The following LRP4 variants were observed in gnomAD, a reference collection of about 807,000 sequenced individuals.
The protein encoded by LRP4 is LDL receptor related protein 4.
LRP4 carries 95 observed loss-of-function variants against 220.3 expected under a neutral mutation model. The ratio of observed to expected loss-of-function variants is 0.43; its 90% CI spans 0.37 to 0.51. The LOEUF (loss-of-function observed/expected upper bound fraction) is 0.51, where lower values mean the gene tolerates loss of function less well. LRP4 is among the 20% of genes least tolerant of loss of function. The pLI is 0.00. For missense variants in LRP4, 1,925 were observed against 2,567.0 expected, an observed-to-expected ratio of 0.75 and a Z score of 5.40; for synonymous variants, 903 against 954.6, an observed-to-expected ratio of 0.95 and a Z score of 1.00.
intron 7 of LRP4, among the ~76,000 whole-genome samples, chr11:46,897,580 C>G (rs1052925317): frequency 2.5e-4 from 38 of 149,294 alleles, no homozygotes; most frequent in South Asian, 1.7e-3. Flanking sequence ...TGACTCTTAA[C>G]GAGCATGCGG....
intron 37 of LRP4, among the ~76,000 whole-genome samples, chr11:46,861,510 T>C (rs1394315277): frequency 7.2e-6 from 1 of 139,170 alleles, no homozygotes; most frequent in Non-Finnish European, 1.5e-5. Context: ...TTAGTTTCCT[T>C]GTGGAAATGG....
Position 46,873,472 on chromosome 11 carries a change from T to C in LRP4, c.4351A>G (p.Thr1451Ala). The change falls in exon 29 of 38, where the codon ACC becomes GCC. Residue 1451 changes from threonine to alanine, a missense_variant. Around this residue, in one of 3 missense-constraint regions of LRP4, gnomAD observed 1,244 missense variants for 1,624.9 expected, o/e 0.77. Coordinates refer to ENST00000378623, the MANE Select transcript of LRP4 (RefSeq NM_002334.4). This position sits in a 1 kb window ranked among gnomAD's most constrained non-coding sequence, Gnocchi z 4.2. ...CCATCCAGCCTGGACGCCTCAATGGTATTTCGACCTGTGTCTGTCCAGTAC... is the reference window on the plus strand; with the variant it reads ...CCATCCAGCCTGGACGCCTCAATGGCATTTCGACCTGTGTCTGTCCAGTAC... ...NLYWTDTGRN[T>A]IEASRLDGSC... is the part of the protein sequence containing the mutation. 1.9e-6 allele frequency: 3 copies of C among 1,614,154 alleles called. No homozygotes were observed. Among genetic ancestry groups the C allele is most frequent in the Non-Finnish European group, 2.5e-6 (3 of 1,180,028 alleles).
chr11:46,883,621 G>A (rs1449017975), intron 19 of LRP4, among the ~76,000 whole-genome samples: 2 of 152,216 alleles, frequency 1.3e-5, no homozygotes, highest in Non-Finnish European at 2.9e-5. Flanking sequence ...TGAAGGCTGT[G>A]AGACCCCTGA....
At chr11:46,874,184 A>AAACT (rs1940948315) in intron 28 of LRP4, 1 of 164,634 alleles carries the variant, frequency 6.1e-6, no homozygotes, top group African/African-American at 2.4e-5. Context: ...ACTGTCACCT[A>AAACT]GGGGACTTCC....
Position 46,890,168 on chromosome 11 carries a change from C to T in LRP4, c.1916-48G>A. Reference sequence around the variant, plus strand: ...TCAGTCTGGACGTGGTCTGCCATGTCCCCTGGGCCCAGGCCTGGCAACTAC... The same window carrying T: ...TCAGTCTGGACGTGGTCTGCCATGTTCCCTGGGCCCAGGCCTGGCAACTAC... On this transcript the variant is annotated intron_variant, in intron 14 of 37. Transcript: ENST00000378623. This position sits in a 1 kb window ranked among gnomAD's most constrained non-coding sequence, Gnocchi z 5.3. The T allele has an allele frequency of 1.2e-6, 2 of 1,609,198 alleles. No homozygotes were observed. Among genetic ancestry groups the T allele is most frequent in the East Asian group, 2.2e-5 (1 of 44,852 alleles).
intron 15 of LRP4, 32 bp from the exon 16 acceptor site, chr11:46,889,565 C>T (rs1036286109): frequency 6.8e-6 from 11 of 1,611,146 alleles, no homozygotes; most frequent in Non-Finnish European, 7.6e-6. Flanking sequence ...AGAGGATCAG[C>T]GAAGGTCTGC....
At chr11:46,871,822 A>C (rs1940873834) in intron 30 of LRP4, among the ~76,000 whole-genome samples, 189 bp from the exon 31 acceptor site, 1 of 152,056 alleles carries the variant, frequency 6.6e-6, no homozygotes, top group Non-Finnish European at 1.5e-5. Flanking sequence ...ATGAGTGGGG[A>C]GGTCAGGGCT....
chr11:46,862,931 T>G, intron 36 of LRP4, 184 bp from the exon 37 acceptor site: 1 of 631,236 alleles, frequency 1.6e-6, no homozygotes, highest in Non-Finnish European at 2.8e-6. Flanking sequence ...TTACTTCTAA[T>G]GAAAAGATTA....
intron 37 of LRP4, among the ~76,000 whole-genome samples, chr11:46,859,786 C>T (rs941678241): frequency 6.6e-6 from 1 of 152,190 alleles, no homozygotes; most frequent in East Asian, 1.9e-4. Context: ...ATTAATGGGA[C>T]ATCATGCTGA....
chr11:46,898,281 G>T (rs980571219), intron 7 of LRP4, among the ~76,000 whole-genome samples: 1 of 152,334 alleles, frequency 6.6e-6, no homozygotes, highest in African/African-American at 2.4e-5. Flanking sequence ...TGCCTCCTAG[G>T]TTCAAGCGAT....
chr11:46,876,887 A>C (rs1264292706), intron 23 of LRP4, 57 bp from the exon 24 acceptor site: 2 of 1,314,996 alleles, frequency 1.5e-6, no homozygotes, highest in Admixed American at 1.7e-5. Context: ...TGGGACACAC[A>C]CAGCTGATTC....
chr11:46,905,098 C>T (rs1322467854), intron 1 of LRP4, among the ~76,000 whole-genome samples: 1 of 151,896 alleles, frequency 6.6e-6, no homozygotes, highest in Non-Finnish European at 1.5e-5. Context: ...CCCAGTGCTC[C>T]TGTCTCTTCG....
Position 46,898,557 on chromosome 11 carries a change from C to A in LRP4, c.796+1G>T. The A allele has an allele frequency of 6.2e-7, 1 of 1,614,152 alleles. No homozygotes were observed. Among genetic ancestry groups the A allele is most frequent in the South Asian group, 1.1e-5 (1 of 91,086 alleles). On this transcript the variant is annotated splice_donor_variant, in intron 7 of 37. Transcript: ENST00000378623. LOFTEE classifies it high-confidence loss of function. ...CAACCTAATTCCATTTCCCCACTCACTGCAGTTGCGCTCATCAGACTGGTC... is the reference window on the plus strand; with the variant it reads ...CAACCTAATTCCATTTCCCCACTCAATGCAGTTGCGCTCATCAGACTGGTC...
rs1941609910 is a variant in LRP4, at chr11:46,899,076, G to A, written c.548-44C>T. The A allele has an allele frequency of 6.3e-7, 1 of 1,583,740 alleles. No homozygotes were observed. Among genetic ancestry groups the A allele is most frequent in the Non-Finnish European group, 8.6e-7 (1 of 1,159,240 alleles). ...TGGGGAGGGGCACACACTCAGGCCT[G>A]GATGAAGGAGAGGGGCCCTGATTCC... On this transcript the variant is annotated intron_variant, in intron 5 of 37. Coordinates refer to ENST00000378623, the MANE Select transcript of LRP4 (RefSeq NM_002334.4). The surrounding 1 kb of genome is among the most constrained non-coding windows in gnomAD (Gnocchi z 5.9).
intron 1 of LRP4, among the ~76,000 whole-genome samples, chr11:46,910,255 C>G (rs1941836923): frequency 6.6e-6 from 1 of 152,152 alleles, no homozygotes; most frequent in Non-Finnish European, 1.5e-5. Flanking sequence ...GGATAAAAAT[C>G]CTGACTCTGC....
In LRP4 at chr11:46,875,748, G is replaced by T. The variant is rs1429606636; in HGVS notation, c.3699+56C>A. On this transcript the variant is annotated intron_variant, in intron 26 of 37. Transcript: ENST00000378623. This position sits in a 1 kb window ranked among gnomAD's most constrained non-coding sequence, Gnocchi z 4.5. ...TGGGAACTCTCCATGGAGATCCTAG[G>T]CAGGCCTTTCCCATCTTCCCAGGCT... The T allele has an allele frequency of 8.7e-6, 14 of 1,612,848 alleles. No individual in the cohort carries two copies. Among genetic ancestry groups the T allele is most frequent in the Admixed American group, 8.3e-5 (5 of 59,984 alleles).
In LRP4 at chr11:46,857,306, G is replaced by T. The variant is rs1161299865; in HGVS notation, c.*1677C>A. On this transcript the variant is annotated 3_prime_UTR_variant, in exon 38 of 38. Transcript: ENST00000378623. The stretch of plus-strand genomic sequence containing the variant: ...CTGGTATCTCTCTCTAGCAGTCTTA[G>T]AACTGACTAGAAAAGAATTGATCTT... 6.6e-6 allele frequency: 1 copy of T among 152,218 alleles called. No individual in the cohort carries two copies. The highest frequency in any genetic ancestry group is 1.5e-5 in the Non-Finnish European group (1 of 68,056). The allele number at this position is 152,218 out of a possible 1,614,324, so 9.4% of individuals were successfully genotyped here.
chr11:46,885,201 T>C (rs1272784298), intron 18 of LRP4, among the ~76,000 whole-genome samples: 2 of 152,154 alleles, frequency 1.3e-5, no homozygotes, highest in East Asian at 1.9e-4. Context: ...GGTCTTGCTA[T>C]ATTTCCCAGG....
rs1369067551 is a variant in LRP4, at chr11:46,900,254, A to G, written c.316+8T>C. ...ATGGAGTTCCGCCCAGCCTCTGCCA[A>G]CACTCACGACAGTCCTGCTCATCCG... On this transcript the variant is annotated splice_region_variant and intron_variant, in intron 3 of 37. Transcript: ENST00000378623. 1 of 1,606,502 alleles carries G rather than the reference A, an allele frequency of 6.2e-7. No individual in the cohort carries two copies. Among genetic ancestry groups the G allele is most frequent in the East Asian group, 2.2e-5 (1 of 44,860 alleles).
Sources: gnomAD v4.1 joint callset for allele counts (sites outside exome capture counted in the v4.1 genomes callset) on GRCh38, gnomAD v4.1.1 for gene constraint, gnomAD v4.1.1 regional missense constraint, Gnocchi (gnomAD v3.1) non-coding constraint, MANE v1.5 for transcripts, NCBI Gene and HGNC (gene_info 2026-07-23, HGNC 2026-07-21) for gene names.